The following SPATC1 variants were observed in gnomAD, a reference collection of about 807,000 sequenced individuals.
SPATC1 encodes the protein speriolin.
A neutral mutation model predicts 36.5 loss-of-function variants in SPATC1; 35 were observed. The observed-to-expected ratio is 0.96, with a 90% confidence interval of 0.73 to 1.27. SPATC1 has a LOEUF of 1.27. SPATC1 is among the 50% of genes most tolerant of loss of function. The pLI, the probability that SPATC1 is intolerant of heterozygous loss-of-function variation, is 0.00. For synonymous variants in SPATC1, 361 were observed against 353.6 expected, an observed-to-expected ratio of 1.02 and a Z score of -0.24; for missense variants, 779 against 796.0, an observed-to-expected ratio of 0.98 and a Z score of 0.26.
At position 144,041,017 on chromosome 8, in the gene SPATC1, C is replaced by G. The variant is rs782157109; in HGVS notation, c.1216C>G (p.Arg406Gly). 6.2e-6 allele frequency: 10 copies of G among 1,612,332 alleles called. No individual in the cohort carries two copies. Among genetic ancestry groups the G allele is most frequent in the Non-Finnish European group, 8.5e-6 (10 of 1,179,860 alleles). The change falls in exon 3 of 5, where the codon CGC (arginine) becomes GGC (glycine). Residue 406 changes from arginine (R) to glycine (G), a missense_variant. Transcript: ENST00000377470. ...TTCAGTCAATGACTCTCGAGGTCCA[C>G]GCACCACAGAACCGTCGACGAAGAG... is the stretch of plus-strand genomic sequence containing the variant. ...PASVNDSRGPRTTEPSTKSMM... is the reference protein window; with the variant it reads ...PASVNDSRGPGTTEPSTKSMM...
chr8:144,042,623 C>T (rs1371796631), intron 4 of SPATC1, among the ~76,000 whole-genome samples: 2 of 151,572 alleles, frequency 1.3e-5, no homozygotes, highest in East Asian at 1.9e-4. Context: ...CGCCCGGCCC[C>T]GAAAGGGAAG....
intron 1 of SPATC1, among the ~76,000 whole-genome samples, chr8:144,038,686 G>T (rs1009643397): frequency 4.1e-4 from 62 of 152,038 alleles, no homozygotes; most frequent in African/African-American, 1.4e-3. Context: ...TATTGAGCAG[G>T]CCGGTCTGGA....
chr8:144,030,675 C>T (rs1834775593), intron 1 of SPATC1, among the ~76,000 whole-genome samples: 1 of 152,076 alleles, frequency 6.6e-6, no homozygotes, highest in Admixed American at 6.6e-5. Flanking sequence ...TTATTTTCTG[C>T]ATGTCTTATG....
chr8:144,027,979 C>G (rs1345661813), intron 1 of SPATC1, among the ~76,000 whole-genome samples: 2 of 151,368 alleles, frequency 1.3e-5, no homozygotes, highest in Non-Finnish European at 2.9e-5. Context: ...GGTGACAGAG[C>G]GAGACTCTAT....
At chr8:144,037,660 C>G (rs1479809447) in intron 1 of SPATC1, among the ~76,000 whole-genome samples, 17 of 152,112 alleles carry the variant, frequency 1.1e-4, no homozygotes, top group Non-Finnish European at 1.6e-4. Context: ...CCCAGGGACA[C>G]AAACACTGTG....
chr8:144,044,443 A>G (rs764845914), intron 4 of SPATC1, among the ~76,000 whole-genome samples: 21 of 150,284 alleles, frequency 1.4e-4, no homozygotes, highest in Non-Finnish European at 2.8e-4. Flanking sequence ...CTGGGACTAC[A>G]GGCGCCCGCC....
intron 1 of SPATC1, among the ~76,000 whole-genome samples, chr8:144,028,268 C>T (rs1389919103): frequency 6.6e-6 from 1 of 151,970 alleles, no homozygotes; most frequent in African/African-American, 2.4e-5. Context: ...AGCAAACAGA[C>T]AACCTATAGA....
chr8:144,011,967 G>T (rs567435395), upstream of SPATC1, among the ~76,000 whole-genome samples: 13 of 152,300 alleles, frequency 8.5e-5, no homozygotes, highest in Admixed American at 2.0e-4. The surrounding 1 kb of genome is among the most constrained non-coding windows in gnomAD (Gnocchi z 4.5). Context: ...CCAAGAAGGG[G>T]CATCCTGGCC....
Position 144,046,586 on chromosome 8 carries a change from G to A in SPATC1, c.1447-41G>A, listed in dbSNP as rs1835267834. On this transcript the variant is annotated intron_variant, in intron 4 of 4. Coordinates refer to ENST00000377470, the MANE Select transcript of SPATC1 (RefSeq NM_198572.3). This position sits in a 1 kb window ranked among gnomAD's most constrained non-coding sequence, Gnocchi z 6.6. ...TCCCCTTACCTGCCTGTGTGTGGAG[G>A]TGTGGCAAGGGAGGGTCCCTGATGG... 4 of 1,560,806 alleles carry A rather than the reference G, an allele frequency of 2.6e-6. No individual in the cohort carries two copies. The highest frequency in any genetic ancestry group is 1.7e-5 in the Admixed American group (1 of 58,658).
rs1428385736 is a variant in SPATC1 at position 144,046,148 on chromosome 8, A to C, written c.1447-479A>C. Among the ~76,000 whole-genome samples the C allele has an allele frequency of 6.6e-6, 1 of 152,022 alleles. No individual in the cohort carries two copies. The highest frequency in any genetic ancestry group is 1.5e-5 in the Non-Finnish European group (1 of 67,954). On this transcript the variant is annotated intron_variant, in intron 4 of 4. Transcript: ENST00000377470. This position sits in a 1 kb window ranked among gnomAD's most constrained non-coding sequence, Gnocchi z 6.6. ...GTGTGCAGGCTAGAGGGTGCTGAGG[A>C]TGGAGGCCAGGGTAAGGAAGGGGGT...
chr8:144,020,178 C>A (rs1834477706), intron 1 of SPATC1, among the ~76,000 whole-genome samples: 1 of 151,808 alleles, frequency 6.6e-6, no homozygotes, highest in African/African-American at 2.4e-5. Context: ...CTCTAAGGAC[C>A]CTCCCCGCTC....
At chr8:144,043,656 A>G (rs1281221282) in intron 4 of SPATC1, among the ~76,000 whole-genome samples, 2 of 150,710 alleles carry the variant, frequency 1.3e-5, no homozygotes, top group Non-Finnish European at 2.9e-5. Flanking sequence ...GATTCCAGGT[A>G]CGAGCCACTG....
chr8:144,011,763 G>C (rs1554752519), upstream of SPATC1, among the ~76,000 whole-genome samples: 4 of 152,124 alleles, frequency 2.6e-5, no homozygotes, highest in Admixed American at 2.6e-4. This position sits in a 1 kb window ranked among gnomAD's most constrained non-coding sequence, Gnocchi z 4.5. Flanking sequence ...AGAAGGCAAC[G>C]ACGGGAGATT....
Position 144,040,000 on chromosome 8 carries a change from A to G in SPATC1, c.303A>G (p.Leu101=), listed in dbSNP as rs782290577. The change falls in exon 2 of 5, where the codon CTA becomes CTG. Residue 101 remains leucine, a synonymous_variant. Transcript: ENST00000377470. ...CCTTGGCACCCCTGGCCGAGATGCT[A>G]ACCAGCTTGCAGCCCAGCGCCACAC... is the stretch of plus-strand genomic sequence containing the variant. ...IMALAPLAEM[L]TSLQPSATPG... The G allele has an allele frequency of 1.4e-5, 23 of 1,613,920 alleles. No individual in the cohort carries two copies. The South Asian group carries it at 2.5e-4, about 18-fold the overall frequency.
intron 1 of SPATC1, among the ~76,000 whole-genome samples, chr8:144,030,700 A>G (rs899537660): frequency 0.034 from 5,137 of 151,758 alleles, 310 homozygotes; most frequent in African/African-American, 0.12. Flanking sequence ...TTTTCCCCTC[A>G]GTGTATCTTT....
Position 144,045,296 on chromosome 8 carries a change from G to T in SPATC1, c.1447-1331G>T, listed in dbSNP as rs548979930. ...AACCTCCAGCTGGGGAGAGACAGGC[G>T]CATCCCAGGCACGTCCCAGGCAACA... On this transcript the variant is annotated intron_variant, in intron 4 of 4. Coordinates refer to ENST00000377470, the MANE Select transcript of SPATC1 (RefSeq NM_198572.3). The surrounding 1 kb of genome is among the most constrained non-coding windows in gnomAD (Gnocchi z 5.2). 6.6e-6 allele frequency among the ~76,000 whole-genome samples: 1 copy of T among 152,228 alleles called. No individual in the cohort carries two copies. The highest frequency in any genetic ancestry group is 2.4e-5 in the African/African-American group (1 of 41,448).
At chr8:144,014,942 T>C (rs1834352931) in intron 1 of SPATC1, among the ~76,000 whole-genome samples, 1 of 152,194 alleles carries the variant, frequency 6.6e-6, no homozygotes, top group Non-Finnish European at 1.5e-5. Flanking sequence ...TAGGGAAATG[T>C]GCATGATGCT....
intron 1 of SPATC1, among the ~76,000 whole-genome samples, chr8:144,022,837 T>C (rs1834567160): frequency 6.7e-6 from 1 of 149,610 alleles, no homozygotes; most frequent in Non-Finnish European, 1.5e-5. Flanking sequence ...CTAACGACCT[T>C]CTTCCCTGAG....
chr8:144,011,766 G>A (rs563132095), upstream of SPATC1, among the ~76,000 whole-genome samples: 2 of 152,076 alleles, frequency 1.3e-5, no homozygotes, highest in African/African-American at 2.4e-5. The surrounding 1 kb of genome is among the most constrained non-coding windows in gnomAD (Gnocchi z 4.5). Context: ...AGGCAACGAC[G>A]GGAGATTTGG....
Sources: gnomAD v4.1 joint callset for allele counts (sites outside exome capture counted in the v4.1 genomes callset) on GRCh38, gnomAD v4.1.1 for gene constraint, Gnocchi (gnomAD v3.1) non-coding constraint, MANE v1.5 for transcripts, NCBI Gene and HGNC (gene_info 2026-07-23, HGNC 2026-07-21) for gene names.